The following PPP1R12B variants were observed in gnomAD, a reference collection of about 807,000 sequenced individuals.
PPP1R12B encodes the protein myosin phosphatase target subunit 2.
PPP1R12B carries 76 observed loss-of-function variants against 126.1 expected under a neutral mutation model. That is an observed-to-expected ratio of 0.60 (90% confidence interval 0.50 to 0.73). PPP1R12B has a LOEUF of 0.73. Ranked by LOEUF, PPP1R12B falls within the 30% of genes least tolerant of loss-of-function variation. The pLI, the probability that PPP1R12B is intolerant of heterozygous loss-of-function variation, is 0.00. For synonymous variants in PPP1R12B, 356 were observed against 434.7 expected (o/e 0.82, Z 2.25); for missense variants, 1,052 against 1,205.1 (o/e 0.87, Z 1.88).
chr1:202,421,620 A>G (rs1201872526), intron 2 of PPP1R12B, among the ~76,000 whole-genome samples: 7 of 151,438 alleles, frequency 4.6e-5, no homozygotes, highest in African/African-American at 1.2e-4. Context: ...AGCCTGAGTG[A>G]CAGACCAAGA....
rs1370586564 is a variant in PPP1R12B, at chr1:202,562,885, G to A, written c.2615G>A (p.Ser872Asn). 6.2e-7 allele frequency: 1 copy of A among 1,602,776 alleles called. No individual in the cohort carries two copies. The highest frequency in any genetic ancestry group is 8.5e-7 in the Non-Finnish European group (1 of 1,176,902). Residue 872 changes from serine (S) to asparagine (N), a missense_variant, in exon 20 of 24, where the codon AGC (serine) becomes AAC (asparagine). Coordinates refer to ENST00000608999, the MANE Select transcript of PPP1R12B (RefSeq NM_002481.4). Reference protein sequence around the residue: ...AREARLATLTSRVEEDSNRDY... With the variant: ...AREARLATLTNRVEEDSNRDY... ...GAGGCCCGCCTAGCCACCCTGACCA[G>A]CCGTGTAGAAGAAGACAGCAACAGA...
intron 18 of PPP1R12B, among the ~76,000 whole-genome samples, chr1:202,544,572 T>C (rs1397262634): frequency 1.3e-5 from 2 of 152,226 alleles, no homozygotes; most frequent in African/African-American, 4.8e-5. Context: ...AGCTGAACCC[T>C]GGGAATCTTT....
At position 202,422,630 on chromosome 1, in the gene PPP1R12B, A is replaced by C. The variant is rs1397838829; in HGVS notation, c.433A>C (p.Asn145His). ...GYLNIAEYFI[N>H]HGASVGIVNS... is the part of the protein sequence containing the mutation. ...ATCTTGTCTACGCAGGTATTTCATT[A>C]ATCACGGAGCCAGTGTAGGTATTGT... Residue 145 changes from asparagine (N) to histidine (H), a missense_variant, in exon 3 of 24, where the codon AAT becomes CAT. By Grantham distance (68) the Asn-to-His change is moderately conservative. Transcript: ENST00000608999. The C allele has an allele frequency of 7.4e-6, 12 of 1,613,538 alleles. No homozygotes were observed. The highest frequency in any genetic ancestry group is 1.0e-5 in the Non-Finnish European group (12 of 1,179,590).
intron 14 of PPP1R12B, among the ~76,000 whole-genome samples, chr1:202,491,484 A>G (rs1678881723): frequency 6.6e-6 from 1 of 152,304 alleles, no homozygotes; most frequent in South Asian, 2.1e-4. Flanking sequence ...AATGGGTGTG[A>G]AAAAGAAGAC....
chr1:202,453,771 G>A (rs1164409685), intron 13 of PPP1R12B, among the ~76,000 whole-genome samples: 4 of 150,924 alleles, frequency 2.7e-5, no homozygotes, highest in African/African-American at 9.8e-5. Flanking sequence ...GGAAAATAGT[G>A]TTTTTCTTCT....
At chr1:202,535,055 A>ATGTG (rs145949486) in intron 18 of PPP1R12B, among the ~76,000 whole-genome samples, 172 of 146,158 alleles carry the variant, frequency 1.2e-3, no homozygotes, top group African/African-American at 3.0e-3. Context: ...GTGTGTGTGT[A>ATGTG]TGTGTGTGTG....
chr1:202,566,803 A>G (rs1397787127), intron 21 of PPP1R12B, among the ~76,000 whole-genome samples: 1 of 150,906 alleles, frequency 6.6e-6, no homozygotes, highest in Non-Finnish European at 1.5e-5. Context: ...CCATTCCTTA[A>G]TTTTTTTTTT....
intron 13 of PPP1R12B, among the ~76,000 whole-genome samples, chr1:202,459,250 A>G (rs1572125100): frequency 6.6e-6 from 1 of 152,110 alleles, no homozygotes; most frequent in Non-Finnish European, 1.5e-5. Flanking sequence ...TTTTATTTTT[A>G]TTTTTTCTGT....
chr1:202,368,095 G>T (rs574931513), intron 1 of PPP1R12B, among the ~76,000 whole-genome samples: 2 of 151,926 alleles, frequency 1.3e-5, no homozygotes, highest in Non-Finnish European at 2.9e-5. Flanking sequence ...TCAGTTTCCC[G>T]AGTAGCTGGG....
intron 1 of PPP1R12B, among the ~76,000 whole-genome samples, chr1:202,351,787 C>T (rs1023215467): frequency 6.6e-6 from 1 of 152,188 alleles, no homozygotes; most frequent in Non-Finnish European, 1.5e-5. Context: ...ATTGTCTTGG[C>T]ATGTTAGAAG....
At chr1:202,493,727 A>G (rs1234668205) in intron 15 of PPP1R12B, among the ~76,000 whole-genome samples, 1 of 152,094 alleles carries the variant, frequency 6.6e-6, no homozygotes, top group Non-Finnish European at 1.5e-5. Flanking sequence ...TACTATTTCT[A>G]TTTTATATAT....
chr1:202,567,527 T>G, intron 21 of PPP1R12B: 1 of 478,550 alleles, frequency 2.1e-6, no homozygotes, highest in Non-Finnish European at 3.7e-6. Flanking sequence ...TGTAAGTAAT[T>G]TCTTTGTAAT....
At chr1:202,353,605 T>TGA (rs1469049385) in intron 1 of PPP1R12B, among the ~76,000 whole-genome samples, 4 of 134,780 alleles carry the variant, frequency 3.0e-5, no homozygotes, top group African/African-American at 1.0e-4. Flanking sequence ...TGTGTGTGTG[T>TGA]GTGTGTGTGT....
rs1671501457 is a variant in PPP1R12B at position 202,440,791 on chromosome 1, A to C, written c.1541+3A>C. 6.2e-7 allele frequency: 1 copy of C among 1,611,982 alleles called. No individual in the cohort carries two copies. Among genetic ancestry groups the C allele is most frequent in the African/African-American group, 1.3e-5 (1 of 75,010 alleles). On this transcript the variant is annotated splice_donor_region_variant and intron_variant, in intron 11 of 23. Transcript: ENST00000608999. ...GATATTGAAGAAAAGGAGAACAGGT[A>C]ATCCTAAAACCAGCCAAAAGATGGT...
intron 18 of PPP1R12B, among the ~76,000 whole-genome samples, chr1:202,547,675 C>G (rs555320547): frequency 6.6e-6 from 1 of 152,232 alleles, no homozygotes; most frequent in Non-Finnish European, 1.5e-5. Context: ...GCGTTGATTT[C>G]CAAAATCAAC....
intron 1 of PPP1R12B, among the ~76,000 whole-genome samples, chr1:202,388,653 T>C (rs1157229919): frequency 1.3e-5 from 2 of 152,142 alleles, no homozygotes; most frequent in East Asian, 3.8e-4. Flanking sequence ...AACTACCTCA[T>C]AGAATTGTTA....
intron 18 of PPP1R12B, among the ~76,000 whole-genome samples, chr1:202,544,408 T>G (rs374699233): frequency 1.3e-5 from 2 of 152,178 alleles, no homozygotes; most frequent in East Asian, 3.8e-4. Context: ...CCAGGTAATC[T>G]TTGGTCAGTA....
chr1:202,373,617 C>G (rs1660670692), intron 1 of PPP1R12B, among the ~76,000 whole-genome samples: 1 of 151,784 alleles, frequency 6.6e-6, no homozygotes, highest in Admixed American at 6.6e-5. Context: ...CATTTTTAAC[C>G]AGAACATTTA....
chr1:202,439,804 T>G, intron 10 of PPP1R12B: 2 of 423,036 alleles, frequency 4.7e-6, no homozygotes, highest in Non-Finnish European at 4.4e-6. Flanking sequence ...CCCACTCCCC[T>G]TCTCCTGCTG....
Sources: gnomAD v4.1 joint callset for allele counts (sites outside exome capture counted in the v4.1 genomes callset) on GRCh38, gnomAD v4.1.1 for gene constraint, MANE v1.5 for transcripts, NCBI Gene and HGNC (gene_info 2026-07-23, HGNC 2026-07-21) for gene names.